The following ARHGAP35 variants were observed in gnomAD, a reference collection of about 807,000 sequenced individuals.
The protein encoded by ARHGAP35 is Rho GTPase activating protein 35, also known as rho GTPase-activating protein 35.
Under a neutral mutation model 111.1 loss-of-function variants are expected in ARHGAP35, and 15 were observed. The ratio of observed to expected loss-of-function variants is 0.13; its 90% confidence interval spans 0.09 to 0.21. ARHGAP35 has a LOEUF of 0.21. Ranked by LOEUF, ARHGAP35 falls within the 10% of genes least tolerant of loss-of-function variation. ARHGAP35 has a pLI of 1.00. For synonymous variants in ARHGAP35, 643 were observed against 710.3 expected (o/e 0.91, Z 1.51); for missense variants, 1,262 against 1,873.0 (o/e 0.67, Z 6.02).
chr19:46,951,342 T>TAG (rs2056411896), intron 3 of ARHGAP35, among the ~76,000 whole-genome samples: 1 of 152,176 alleles, frequency 6.6e-6, no homozygotes, highest in African/African-American at 2.4e-5. Flanking sequence ...AATGCAGCTG[T>TAG]ACCGAAAGGA....
intron 2 of ARHGAP35, among the ~76,000 whole-genome samples, chr19:46,931,515 C>A (rs1196069069): frequency 1.3e-5 from 2 of 152,124 alleles, no homozygotes; most frequent in East Asian, 3.9e-4. Context: ...GCCGAGAGAC[C>A]AGAGGTAGTT....
At chr19:46,954,293 C>T (rs1375245369) in intron 3 of ARHGAP35, among the ~76,000 whole-genome samples, 2 of 152,186 alleles carry the variant, frequency 1.3e-5, no homozygotes, top group Non-Finnish European at 2.9e-5. Context: ...ATCAGAACAC[C>T]TGAGAGCCTT....
intron 1 of ARHGAP35, among the ~76,000 whole-genome samples, chr19:46,873,464 C>T (rs1213987151): frequency 1.3e-5 from 2 of 151,760 alleles, no homozygotes; most frequent in African/African-American, 2.4e-5. Context: ...GAAACCCCAT[C>T]TCTACTAAAA....
At chr19:46,991,640 C>T (rs904392851) in intron 5 of ARHGAP35, among the ~76,000 whole-genome samples, 1 of 152,188 alleles carries the variant, frequency 6.6e-6, no homozygotes, top group Admixed American at 6.5e-5. Flanking sequence ...CTGACCGAAG[C>T]GGGTGGGAGA....
At chr19:46,903,898 C>T (rs377517047) in intron 1 of ARHGAP35, among the ~76,000 whole-genome samples, 4 of 151,416 alleles carry the variant, frequency 2.6e-5, no homozygotes, top group Admixed American at 6.6e-5. Flanking sequence ...GTTTGAAATT[C>T]GCCTTTTTTT....
chr19:46,952,609 C>T (rs2056418725), intron 3 of ARHGAP35, among the ~76,000 whole-genome samples: 1 of 152,238 alleles, frequency 6.6e-6, no homozygotes, highest in African/African-American at 2.4e-5. Context: ...TCTTCCTCTG[C>T]AAAATGCAGC....
At position 47,000,790 on chromosome 19, in the gene ARHGAP35, AG is replaced by A; in HGVS notation, c.*103del. The A allele has an allele frequency of 6.5e-7, 1 of 1,542,306 alleles. No individual in the cohort carries two copies. The highest frequency in any genetic ancestry group is 8.7e-7 in the Non-Finnish European group (1 of 1,143,448). Reference sequence around the variant, plus strand: ...TCCACTGGGGACAGAGGCAGGGGCAAGTGGCTCTCCCCATTACCTTCTCAAG... The same window carrying A: ...TCCACTGGGGACAGAGGCAGGGGCAATGGCTCTCCCCATTACCTTCTCAAG... On this transcript the variant is annotated 3_prime_UTR_variant, in exon 7 of 7. Transcript: ENST00000672722. The surrounding 1 kb of genome is among the most constrained non-coding windows in gnomAD (Gnocchi z 6.9).
intron 1 of ARHGAP35, among the ~76,000 whole-genome samples, chr19:46,876,801 T>A (rs1465024524): frequency 6.6e-6 from 1 of 152,150 alleles, no homozygotes; most frequent in Non-Finnish European, 1.5e-5. Context: ...GTGGCTGGAC[T>A]TGGCTTTAAG....
intron 1 of ARHGAP35, among the ~76,000 whole-genome samples, chr19:46,898,250 A>C (rs541523265): frequency 3.9e-5 from 6 of 152,050 alleles, no homozygotes; most frequent in African/African-American, 9.7e-5. Context: ...CAAAAAAAAA[A>C]AAAAACAAAA....
chr19:46,971,012 G>A (rs2056544596), intron 3 of ARHGAP35, among the ~76,000 whole-genome samples: 1 of 152,130 alleles, frequency 6.6e-6, no homozygotes. Context: ...ATACTCACAC[G>A]ACACACAGGG....
chr19:46,888,038 G>A lies in ARHGAP35; in HGVS notation c.-189+26829G>A, dbSNP rs567636264. On this transcript the variant is annotated intron_variant, in intron 1 of 6. Transcript: ENST00000672722. The stretch of plus-strand genomic sequence containing the variant: ...ACGATCTCGGCTTACTGCAAGCTCC[G>A]CCTCCTGGGTTCATGCCATTCTCCT... Among the ~76,000 whole-genome samples, 194 of 148,582 alleles carry A rather than the reference G, an allele frequency of 1.3e-3. 1 individual carries two copies. The South Asian group carries it at 0.023, about 18-fold the overall frequency.
At position 46,988,420 on chromosome 19, in the gene ARHGAP35, G is replaced by A. The variant is rs1046014836; in HGVS notation, c.3904+354G>A. 4 of 257,400 alleles carry A rather than the reference G, an allele frequency of 1.6e-5. No individual in the cohort carries two copies. The highest frequency in any genetic ancestry group is 1.4e-3 in the Middle Eastern group (1 of 702). 15.9% of individuals were successfully genotyped at this position (257,400 alleles called of 1,614,324 possible). A position where few individuals can be genotyped will look rare whatever the true frequency, so the allele number is the denominator to read the frequency against. On this transcript the variant is annotated intron_variant, in intron 4 of 6. Transcript: ENST00000672722. This position sits in a 1 kb window ranked among gnomAD's most constrained non-coding sequence, Gnocchi z 5.4. ...GTTGCAGGCACATGATATACAAGTC[G>A]GGTTGAGATGTGATCCTGTTTTGCC...
chr19:46,864,019 A>G (rs1160753899), intron 1 of ARHGAP35, among the ~76,000 whole-genome samples: 1 of 152,254 alleles, frequency 6.6e-6, no homozygotes, highest in African/African-American at 2.4e-5. Context: ...TCCCTGCCAC[A>G]GGAGCTGAGT....
chr19:46,875,163 ATTG>A (rs1029518818), intron 1 of ARHGAP35, among the ~76,000 whole-genome samples: 35 of 151,896 alleles, frequency 2.3e-4, no homozygotes, highest in East Asian at 1.9e-4. Context: ...ATTTGGTTTT[ATTG>A]TTGTTTTTAT....
rs1316142896 is a variant in ARHGAP35, at chr19:46,921,396, G to A, written c.2721G>A (p.Glu907=). The A allele has an allele frequency of 3.1e-6, 5 of 1,613,854 alleles. No homozygotes were observed. The African/African-American group carries it at 5.3e-5, about 17-fold the overall frequency. ...DNDLSREQLT[E]GEEIAQEIDG... ...ACTTAAGTAGGGAACAGCTAACTGA[G>A]GGGGAGGAGATTGCTCAAGAAATTG... is the stretch of plus-strand genomic sequence containing the variant. The change falls in exon 2 of 7, where the codon GAG becomes GAA. Residue 907 remains glutamate, a synonymous_variant. Transcript: ENST00000672722. The surrounding 1 kb of genome is among the most constrained non-coding windows in gnomAD (Gnocchi z 4.3).
intron 1 of ARHGAP35, among the ~76,000 whole-genome samples, chr19:46,887,448 G>GGT (rs2055997998): frequency 4.6e-5 from 7 of 152,090 alleles, no homozygotes; most frequent in Admixed American, 3.9e-4. Context: ...GGGGAAGCTG[G>GGT]GTGAAGGGTA....
chr19:46,869,591 C>T (rs947482970), intron 1 of ARHGAP35, among the ~76,000 whole-genome samples: 2 of 151,878 alleles, frequency 1.3e-5, no homozygotes, highest in Non-Finnish European at 2.9e-5. Context: ...AAAACTGTGG[C>T]TTTATCTCTT....
chr19:46,989,243 A>T lies in ARHGAP35; in HGVS notation c.3905-301A>T, dbSNP rs1347224602. 6.8e-6 allele frequency: 2 copies of T among 295,816 alleles called. No individual in the cohort carries two copies. Among genetic ancestry groups the T allele is most frequent in the African/African-American group, 4.2e-5 (2 of 47,240 alleles). 18.3% of individuals were successfully genotyped at this position (295,816 alleles called of 1,614,324 possible). On this transcript the variant is annotated intron_variant, in intron 4 of 6. Coordinates refer to ENST00000672722, the MANE Select transcript of ARHGAP35 (RefSeq NM_004491.5). This position sits in a 1 kb window ranked among gnomAD's most constrained non-coding sequence, Gnocchi z 5.3. ...GGGAGTAAGGAAGAGGCAACAGCAT[A>T]TCAAAGCCAGATGAAGGCAAGCTCC...
intron 1 of ARHGAP35, among the ~76,000 whole-genome samples, chr19:46,868,508 C>T (rs2055870233): frequency 6.6e-6 from 1 of 152,152 alleles, no homozygotes; most frequent in Admixed American, 6.6e-5. Flanking sequence ...CAGTAGGTTC[C>T]ATATCACAGT....
Sources: gnomAD v4.1 joint callset for allele counts (sites outside exome capture counted in the v4.1 genomes callset) on GRCh38, gnomAD v4.1.1 for gene constraint, Gnocchi (gnomAD v3.1) non-coding constraint, MANE v1.5 for transcripts, NCBI Gene and HGNC (gene_info 2026-07-23, HGNC 2026-07-21) for gene names.